The following EFCAB9 variants were observed in gnomAD, a reference collection of about 807,000 sequenced individuals.
EFCAB9 encodes the protein EF-hand calcium binding domain 9.
A neutral mutation model predicts 15.6 loss-of-function variants in EFCAB9; 16 were observed. That is an observed-to-expected ratio of 1.03 (90% CI 0.69 to 1.56). EFCAB9 has a LOEUF of 1.56. EFCAB9 is among the 40% of genes most tolerant of loss of function. The pLI, the probability that EFCAB9 is intolerant of heterozygous loss-of-function variation, is 0.00. For synonymous variants in EFCAB9, 76 were observed against 85.4 expected (o/e 0.89, Z 0.61); for missense variants, 208 against 235.4 (o/e 0.88, Z 0.76).
intron 2 of EFCAB9, among the ~76,000 whole-genome samples, chr5:172,199,899 A>ATATACATT (rs1212384221): frequency 2.9e-5 from 4 of 138,048 alleles, no homozygotes; most frequent in Non-Finnish European, 4.7e-5. Context: ...TTCTTACCGT[A>ATATACATT]TATACATTTC....
chr5:172,196,642 T>C (rs1581199756), intron 1 of EFCAB9, among the ~76,000 whole-genome samples: 3 of 152,062 alleles, frequency 2.0e-5, no homozygotes, highest in Non-Finnish European at 2.9e-5. Context: ...TCCCAAAGTG[T>C]TGGGATTACA....
chr5:172,199,684 A>G (rs771561938), intron 2 of EFCAB9, among the ~76,000 whole-genome samples, 153 bp downstream of exon 2: 1 of 152,102 alleles, frequency 6.6e-6, no homozygotes, highest in African/African-American at 2.4e-5. Flanking sequence ...AGGTTTTTCA[A>G]CAGCTTCTCC....
At chr5:172,199,319 T>C in intron 1 of EFCAB9, 64 bp from the exon 2 acceptor site, 2 of 1,502,544 alleles carry the variant, frequency 1.3e-6, no homozygotes, top group African/African-American at 1.4e-5. Context: ...ACATGGCTTC[T>C]AGCTGTTTAG....
At chr5:172,198,340 C>T (rs905509692) in intron 1 of EFCAB9, among the ~76,000 whole-genome samples, 1 of 152,076 alleles carries the variant, frequency 6.6e-6, no homozygotes, top group Non-Finnish European at 1.5e-5. Flanking sequence ...GAGACCCCAT[C>T]TCTACAAAAA....
intron 1 of EFCAB9, among the ~76,000 whole-genome samples, chr5:172,195,327 T>C (rs1385520829): frequency 1.3e-5 from 2 of 152,180 alleles, no homozygotes; most frequent in African/African-American, 4.8e-5. Context: ...ATTCACTCGT[T>C]CTGACCTCAG....
chr5:172,200,422 C>T (rs1771237481), intron 2 of EFCAB9, 144 bp from the exon 3 acceptor site: 1 of 757,978 alleles, frequency 1.3e-6, no homozygotes, highest in East Asian at 2.9e-5. Context: ...GCTGATAGAA[C>T]CCTTTCAGCC....
chr5:172,202,428 C>T (rs944520169), intron 3 of EFCAB9, among the ~76,000 whole-genome samples: 6 of 150,682 alleles, frequency 4.0e-5, no homozygotes, highest in Non-Finnish European at 7.4e-5. Flanking sequence ...GACCTTTGTG[C>T]TGGGCACCAT....
intron 1 of EFCAB9, 101 bp downstream of exon 1, chr5:172,194,409 T>G (rs1561841692): frequency 7.0e-7 from 1 of 1,430,736 alleles, no homozygotes; most frequent in Non-Finnish European, 9.2e-7. Flanking sequence ...AGTACATTTT[T>G]TTTTTTTTGA....
intron 3 of EFCAB9, among the ~76,000 whole-genome samples, chr5:172,201,142 G>A (rs1033400328): frequency 6.6e-6 from 1 of 152,184 alleles, no homozygotes; most frequent in African/African-American, 2.4e-5. Context: ...TTGGGAGGCC[G>A]AGGTGGGTGG....
At chr5:172,196,727 G>A (rs1385699122) in intron 1 of EFCAB9, among the ~76,000 whole-genome samples, 2 of 152,018 alleles carry the variant, frequency 1.3e-5, no homozygotes, top group African/African-American at 2.4e-5. Context: ...GTGAGTAAGG[G>A]GAAACACATG....
In EFCAB9 at chr5:172,203,209, CA is replaced by C. The variant is rs1771287675; in HGVS notation, c.463-2del. 2 of 1,444,764 alleles carry C rather than the reference CA, an allele frequency of 1.4e-6. No individual in the cohort carries two copies. Among genetic ancestry groups the C allele is most frequent in the South Asian group, 2.6e-5 (2 of 76,322 alleles). The allele number at this position is 1,444,764 out of a possible 1,614,324, so 89.5% of individuals were successfully genotyped here. A position where few individuals can be genotyped will look rare whatever the true frequency, so the allele number is the denominator to read the frequency against. Reference sequence around the variant, plus strand: ...ATTTTTCTTTCCCCCCCACCCTAACCAAAGCGTCTTAATTATCAGGAATTTA... The same window carrying C: ...ATTTTTCTTTCCCCCCCACCCTAACCAAGCGTCTTAATTATCAGGAATTTA... On this transcript the variant is annotated splice_polypyrimidine_tract_variant and splice_region_variant and intron_variant, in intron 3 of 3. Coordinates refer to ENST00000398186, the MANE Select transcript of EFCAB9 (RefSeq NM_001171183.2).
Position 172,203,291 on chromosome 5 carries a change from G to T in EFCAB9, c.540G>T (p.Glu180Asp). The T allele has an allele frequency of 6.5e-7, 1 of 1,536,190 alleles. No homozygotes were observed. Among genetic ancestry groups the T allele is most frequent in the South Asian group, 1.2e-5 (1 of 83,996 alleles). Residue 180 changes from glutamate (E) to aspartate (D), a missense_variant, in exon 4 of 4, where the codon GAG becomes GAT. Glu to Asp is a conservative substitution (Grantham distance 45, BLOSUM62 2). Coordinates refer to ENST00000398186, the MANE Select transcript of EFCAB9 (RefSeq NM_001171183.2). ...DKLQKRQKTE[E>D]KEKGERKRSL... ...TACAGAAGAGGCAGAAAACAGAGGAGAAAGAAAAAGGAGAGAGAAAGAGAA... is the reference window on the plus strand; with the variant it reads ...TACAGAAGAGGCAGAAAACAGAGGATAAAGAAAAAGGAGAGAGAAAGAGAA...
At chr5:172,202,417 T>C (rs1386198999) in intron 3 of EFCAB9, among the ~76,000 whole-genome samples, 1 of 149,910 alleles carries the variant, frequency 6.7e-6, no homozygotes, top group Non-Finnish European at 1.5e-5. Flanking sequence ...TGGAAGAAAG[T>C]GACCTTTGTG....
intron 3 of EFCAB9, among the ~76,000 whole-genome samples, chr5:172,202,329 T>G (rs1454303337): frequency 3.3e-5 from 1 of 29,988 alleles, no homozygotes; most frequent in Non-Finnish European, 4.9e-5. Context: ...TGAGACTTCA[T>G]CTCAAAAAAA....
At chr5:172,196,083 C>T (rs1771156070) in intron 1 of EFCAB9, among the ~76,000 whole-genome samples, 1 of 152,176 alleles carries the variant, frequency 6.6e-6, no homozygotes, top group South Asian at 2.1e-4. Context: ...ACCTCAGCCT[C>T]CCAAAGTGCT....
chr5:172,201,092 T>C (rs76084458), intron 3 of EFCAB9, among the ~76,000 whole-genome samples: 8,904 of 151,980 alleles, frequency 0.059, 367 homozygotes, highest in Middle Eastern at 0.11. Context: ...AATACAAAAA[T>C]TGGCCAGGCG....
intron 1 of EFCAB9, among the ~76,000 whole-genome samples, chr5:172,196,476 T>G (rs1193710854): frequency 6.6e-6 from 1 of 151,770 alleles, no homozygotes; most frequent in African/African-American, 2.4e-5. Flanking sequence ...AACCTCCGCC[T>G]CCTGGGTTCA....
At chr5:172,200,525 G>A (rs959503344) in intron 2 of EFCAB9, 41 bp from the exon 3 acceptor site, 13 of 1,507,914 alleles carry the variant, frequency 8.6e-6, no homozygotes, top group Admixed American at 8.5e-5. Context: ...AAGCAGCATC[G>A]ACAACACTGT....
chr5:172,199,632 G>A, intron 2 of EFCAB9, 101 bp downstream of exon 2: 1 of 1,442,162 alleles, frequency 6.9e-7, no homozygotes, highest in Non-Finnish European at 9.2e-7. Context: ...AGGAAGAAAA[G>A]ATGGGTGGTG....
Sources: allele counts gnomAD v4.1 joint callset (sites outside exome capture counted in the v4.1 genomes callset), GRCh38; gene constraint gnomAD v4.1.1; transcripts MANE v1.5; gene names NCBI Gene and HGNC (gene_info 2026-07-23, HGNC 2026-07-21).